Variants in PLXNC1 observed in about 807,000 individuals in gnomAD.
PLXNC1 encodes plexin-C1.
In PLXNC1, 75 loss-of-function variants were observed where a neutral mutation model predicts 178.2. That is an observed-to-expected ratio of 0.42 (90% confidence interval 0.35 to 0.51). The LOEUF is 0.51. Among genes scored for constraint, PLXNC1 ranks in the 20% least tolerant of loss-of-function variants. PLXNC1 has a pLI of 0.02. For missense variants in PLXNC1, 1,503 were observed against 1,984.4 expected, an observed-to-expected ratio of 0.76 and a Z score of 4.61; for synonymous variants, 790 against 779.9, an observed-to-expected ratio of 1.01 and a Z score of -0.22.
chr12:94,220,287 C>A, intron 6 of PLXNC1, 124 bp downstream of exon 6: 1 of 884,734 alleles, frequency 1.1e-6, no homozygotes, highest in Non-Finnish European at 1.7e-6. Context: ...TCACTACCCC[C>A]TGGTTCCCAC....
At chr12:94,212,710 T>C (rs940636275) in intron 5 of PLXNC1, among the ~76,000 whole-genome samples, 7 of 145,050 alleles carry the variant, frequency 4.8e-5, no homozygotes, top group African/African-American at 1.8e-4. Flanking sequence ...ACATTTTCTT[T>C]TCTTTTCTTT....
At chr12:94,208,472 T>C (rs1963371442) in intron 4 of PLXNC1, among the ~76,000 whole-genome samples, 1 of 152,190 alleles carries the variant, frequency 6.6e-6, no homozygotes, top group Admixed American at 6.5e-5. Flanking sequence ...ATAAAACCTT[T>C]AGGAAGCCAA....
intron 1 of PLXNC1, among the ~76,000 whole-genome samples, chr12:94,160,308 T>G (rs553433010): frequency 6.6e-6 from 1 of 152,182 alleles, no homozygotes; most frequent in Non-Finnish European, 1.5e-5. Context: ...GTGGAGAAGA[T>G]AGTGATTATA....
chr12:94,304,072 G>T, intron 30 of PLXNC1, 21 bp downstream of exon 30: 1 of 1,383,202 alleles, frequency 7.2e-7, no homozygotes, highest in Non-Finnish European at 1.0e-6. Context: ...AAATAACATT[G>T]TTTTTAACCT....
At chr12:94,262,860 TTTCTC>T (rs1965037358) in intron 20 of PLXNC1, 3 of 841,094 alleles carry the variant, frequency 3.6e-6, no homozygotes, top group Non-Finnish European at 4.3e-6. Flanking sequence ...TTACCTATCT[TTTCTC>T]ATTTCATCCC....
intron 3 of PLXNC1, among the ~76,000 whole-genome samples, chr12:94,184,152 T>TGG (rs1222082739): frequency 6.6e-6 from 1 of 151,714 alleles, no homozygotes. Flanking sequence ...AGTCTTGCTC[T>TGG]GTCACCCAGC....
intron 12 of PLXNC1, among the ~76,000 whole-genome samples, chr12:94,247,024 C>T (rs1245138785): frequency 2.0e-5 from 3 of 152,088 alleles, no homozygotes; most frequent in African/African-American, 7.2e-5. Flanking sequence ...CTTCTGTACA[C>T]CTAAACAGGA....
intron 1 of PLXNC1, among the ~76,000 whole-genome samples, chr12:94,160,451 TC>T (rs1414528590): frequency 6.6e-6 from 1 of 152,166 alleles, no homozygotes; most frequent in Non-Finnish European, 1.5e-5. Context: ...TTCCTTGTCA[TC>T]CCCTGTCTCC....
chr12:94,281,722 A>T (rs1966455897), intron 22 of PLXNC1: 1 of 152,922 alleles, frequency 6.5e-6, no homozygotes, highest in African/African-American at 2.4e-5. Flanking sequence ...TGTCCAGCCT[A>T]TGTGCAATCT....
intron 20 of PLXNC1, among the ~76,000 whole-genome samples, chr12:94,264,005 C>T (rs1244941038): frequency 1.3e-5 from 2 of 152,108 alleles, no homozygotes; most frequent in Non-Finnish European, 2.9e-5. Context: ...GGACGTATCG[C>T]TTGTCAAGCT....
chr12:94,152,027 AT>A (rs1960977826), intron 1 of PLXNC1, among the ~76,000 whole-genome samples: 1 of 152,146 alleles, frequency 6.6e-6, no homozygotes, highest in Non-Finnish European at 1.5e-5. Flanking sequence ...CCTCCACAGC[AT>A]TTCTTGCTGC....
At chr12:94,303,029 G>C (rs2136234523) in intron 28 of PLXNC1, among the ~76,000 whole-genome samples, 1 of 152,298 alleles carries the variant, frequency 6.6e-6, no homozygotes, top group Non-Finnish European at 1.5e-5. Context: ...TGGGACATTA[G>C]CCCTATCATT....
At chr12:94,289,965 A>G (rs1967120582) in intron 23 of PLXNC1, among the ~76,000 whole-genome samples, 1 of 152,224 alleles carries the variant, frequency 6.6e-6, no homozygotes. Flanking sequence ...TTAATGCCTG[A>G]GCACAGCACT....
intron 6 of PLXNC1, 109 bp downstream of exon 6, chr12:94,220,272 C>A: frequency 9.7e-7 from 1 of 1,034,606 alleles, no homozygotes; most frequent in Non-Finnish European, 1.4e-6. Flanking sequence ...TGTAGACTCA[C>A]TCCCTCACTA....
chr12:94,169,391 C>A, intron 2 of PLXNC1, 98 bp downstream of exon 2: 4 of 1,024,004 alleles, frequency 3.9e-6, no homozygotes, highest in Non-Finnish European at 5.9e-6. Flanking sequence ...TACATGAGAC[C>A]AAACCAAGAA....
chr12:94,153,448 G>A (rs987967022), intron 1 of PLXNC1, among the ~76,000 whole-genome samples: 3 of 152,200 alleles, frequency 2.0e-5, no homozygotes, highest in Admixed American at 6.5e-5. Context: ...GCTTGGATTA[G>A]TATAAAAATG....
At chr12:94,277,873 CG>C (rs1565850748) in intron 21 of PLXNC1, 1 of 450,680 alleles carries the variant, frequency 2.2e-6, no homozygotes, top group East Asian at 7.0e-5. Context: ...GCTAGAAGGC[CG>C]GTACTGTTAT....
chr12:94,156,881 T>C (rs1182325345), intron 1 of PLXNC1, among the ~76,000 whole-genome samples: 3 of 151,988 alleles, frequency 2.0e-5, no homozygotes, highest in Admixed American at 2.0e-4. Flanking sequence ...CTGATTTTTT[T>C]TATTTTTATT....
intron 1 of PLXNC1, among the ~76,000 whole-genome samples, chr12:94,160,847 A>G (rs1961358792): frequency 6.6e-6 from 1 of 152,266 alleles, no homozygotes; most frequent in Non-Finnish European, 1.5e-5. Flanking sequence ...TTTCAATTAA[A>G]GGTATAGTAA....
Sources: gnomAD v4.1 joint callset for allele counts (sites outside exome capture counted in the v4.1 genomes callset) on GRCh38, gnomAD v4.1.1 for gene constraint, MANE v1.5 for transcripts, NCBI Gene and HGNC (gene_info 2026-07-23, HGNC 2026-07-21) for gene names.